The following PPME1 variants were observed in gnomAD, a reference collection of about 807,000 sequenced individuals.
PPME1 encodes testicular secretory protein Li 39.
Under a neutral mutation model 56.9 loss-of-function variants are expected in PPME1, and 17 were observed. The observed-to-expected ratio is 0.30, with a 90% CI of 0.20 to 0.45. The LOEUF is 0.45. PPME1 is among the 20% of genes least tolerant of loss of function. The pLI is 1.00. For missense variants in PPME1, 357 were observed against 483.2 expected (o/e 0.74, Z 2.45); for synonymous variants, 122 against 156.2 (o/e 0.78, Z 1.63).
At chr11:74,215,613 C>A (rs1397973577) in intron 3 of PPME1, among the ~76,000 whole-genome samples, 1 of 151,780 alleles carries the variant, frequency 6.6e-6, no homozygotes, top group Non-Finnish European at 1.5e-5. Flanking sequence ...GAAGAGAAGA[C>A]CACAAAACAA....
chr11:74,213,840 A>G (rs992155194), intron 3 of PPME1, among the ~76,000 whole-genome samples: 2 of 152,238 alleles, frequency 1.3e-5, no homozygotes, highest in Admixed American at 6.5e-5. Flanking sequence ...GTTTCTTTGA[A>G]TACCTGGAAA....
chr11:74,239,290 G>T (rs779767451), intron 9 of PPME1, 34 bp downstream of exon 9: 1 of 1,604,540 alleles, frequency 6.2e-7, no homozygotes, highest in Non-Finnish European at 8.5e-7. Flanking sequence ...AAAAGATGCG[G>T]TATGGAATGG....
In PPME1 at chr11:74,239,046, T is replaced by C; in HGVS notation, c.711-87T>C. 15 of 1,296,886 alleles carry C rather than the reference T, an allele frequency of 1.2e-5. No homozygotes were observed. In the South Asian group the frequency reaches 2.2e-4, roughly 19 times the overall value. 80.3% of individuals were successfully genotyped at this position (1,296,886 alleles called of 1,614,324 possible). On this transcript the variant is annotated intron_variant, in intron 8 of 13. Transcript: ENST00000328257. ...TTGTTAAGTTTTAGCTAACATTTGA[T>C]TATAAAAGGCCGTAAGTATGAGTAT...
intron 13 of PPME1, among the ~76,000 whole-genome samples, chr11:74,252,102 G>A (rs1379297242): frequency 7.3e-6 from 1 of 137,314 alleles, no homozygotes; most frequent in Non-Finnish European, 1.5e-5. Context: ...ATGGAGCAGG[G>A]CTTTTTTTTT....
intron 5 of PPME1, among the ~76,000 whole-genome samples, chr11:74,229,141 A>C (rs932154543): frequency 2.0e-5 from 3 of 152,216 alleles, no homozygotes; most frequent in Admixed American, 2.0e-4. Flanking sequence ...TACAGAACTA[A>C]TAACATTTGC....
At chr11:74,172,468 G>A (rs1354218920) in intron 1 of PPME1, among the ~76,000 whole-genome samples, 5 of 152,222 alleles carry the variant, frequency 3.3e-5, no homozygotes, top group East Asian at 1.9e-4. Context: ...TAGATCTGAG[G>A]GAAGCGACGT....
At chr11:74,218,862 G>A (rs1440829993) in intron 3 of PPME1, among the ~76,000 whole-genome samples, 1 of 152,016 alleles carries the variant, frequency 6.6e-6, no homozygotes, top group African/African-American at 2.4e-5. Context: ...AACAAGCACA[G>A]GTAACCAAAG....
At chr11:74,214,899 T>C (rs1359725608) in intron 3 of PPME1, among the ~76,000 whole-genome samples, 2 of 152,150 alleles carry the variant, frequency 1.3e-5, no homozygotes, top group Non-Finnish European at 2.9e-5. Context: ...AACTCATTGA[T>C]AAGTACACAG....
At chr11:74,178,096 A>G (rs762394502) in intron 1 of PPME1, among the ~76,000 whole-genome samples, 26 of 152,186 alleles carry the variant, frequency 1.7e-4, no homozygotes, top group Non-Finnish European at 2.4e-4. Context: ...TTGCTAAACA[A>G]TTTCATTCAG....
At chr11:74,251,126 G>A in intron 12 of PPME1, 108 bp downstream of exon 12, 2 of 1,524,696 alleles carry the variant, frequency 1.3e-6, no homozygotes, top group South Asian at 1.2e-5. Flanking sequence ...AGCAGCTGCT[G>A]TGGAGCCTAT....
intron 13 of PPME1, chr11:74,252,684 C>T: frequency 2.8e-6 from 1 of 357,696 alleles, no homozygotes; most frequent in Non-Finnish European, 5.6e-6. Flanking sequence ...ACAGTAGTAC[C>T]CCTCCCACAC....
At chr11:74,220,253 C>T (rs576942651) in intron 3 of PPME1, among the ~76,000 whole-genome samples, 1 of 152,126 alleles carries the variant, frequency 6.6e-6, no homozygotes, top group Non-Finnish European at 1.5e-5. Context: ...ATGAGATTAT[C>T]TGAGATAATC....
At chr11:74,252,331 A>C (rs1267090729) in intron 13 of PPME1, 82 of 394,422 alleles carry the variant, frequency 2.1e-4, no homozygotes, top group Middle Eastern at 1.6e-3. Flanking sequence ...CAAGTGATCC[A>C]CCCGCATCGG....
At chr11:74,178,809 A>G (rs1168691542) in intron 1 of PPME1, among the ~76,000 whole-genome samples, 1 of 152,010 alleles carries the variant, frequency 6.6e-6, no homozygotes, top group Non-Finnish European at 1.5e-5. Context: ...CTTTTGTTTT[A>G]TTTTAAACCT....
At chr11:74,172,985 G>GA (rs1857314540) in intron 1 of PPME1, among the ~76,000 whole-genome samples, 1 of 152,162 alleles carries the variant, frequency 6.6e-6, no homozygotes, top group Non-Finnish European at 1.5e-5. Flanking sequence ...TGGGGTAAAG[G>GA]AATGGGAAAA....
intron 7 of PPME1, among the ~76,000 whole-genome samples, chr11:74,231,992 C>T (rs1246556267): frequency 6.6e-6 from 1 of 152,132 alleles, no homozygotes; most frequent in Non-Finnish European, 1.5e-5. Context: ...CTGTCCCTTC[C>T]CACAAGGAGA....
chr11:74,210,528 G>A (rs1217668595), intron 3 of PPME1, among the ~76,000 whole-genome samples: 2 of 152,176 alleles, frequency 1.3e-5, no homozygotes, highest in Non-Finnish European at 2.9e-5. Flanking sequence ...TAGGTCATGG[G>A]AGTGGATCCT....
chr11:74,250,899 C>T, intron 11 of PPME1, 55 bp from the exon 12 acceptor site: 3 of 1,453,212 alleles, frequency 2.1e-6, no homozygotes, highest in East Asian at 2.4e-5. Flanking sequence ...TATGAGGCTG[C>T]ATAAGAGAGG....
chr11:74,194,339 C>T (rs1259876296), intron 1 of PPME1, among the ~76,000 whole-genome samples: 2 of 151,580 alleles, frequency 1.3e-5, no homozygotes, highest in Non-Finnish European at 2.9e-5. Flanking sequence ...AGACTTCCCA[C>T]CTCGGGCTTT....
Sources: allele counts gnomAD v4.1 joint callset (sites outside exome capture counted in the v4.1 genomes callset), GRCh38; gene constraint gnomAD v4.1.1; transcripts MANE v1.5; gene names NCBI Gene and HGNC (gene_info 2026-07-23, HGNC 2026-07-21).